CADPS: variants seen among roughly 807,000 people sequenced by gnomAD.
The protein encoded by CADPS is calcium dependent secretion activator.
A neutral mutation model predicts 167.3 loss-of-function variants in CADPS; 57 were observed. The observed-to-expected ratio is 0.34, with a 90% CI of 0.28 to 0.42. CADPS has a LOEUF of 0.42. Ranked by LOEUF, CADPS falls within the 20% of genes least tolerant of loss-of-function variation. The pLI is 1.00. For missense variants in CADPS, 1,414 were observed against 1,738.1 expected, an observed-to-expected ratio of 0.81 and a Z score of 3.32; for synonymous variants, 676 against 635.3, an observed-to-expected ratio of 1.06 and a Z score of -0.96.
chr3:62,484,736 T>C (rs2062550138), intron 21 of CADPS, among the ~76,000 whole-genome samples: 1 of 152,158 alleles, frequency 6.6e-6, no homozygotes. Flanking sequence ...CATTCCTGCT[T>C]CTAGAATTGA....
In CADPS at chr3:62,748,219, A is replaced by G. The variant is rs13091107; in HGVS notation, c.888+5222T>C. The stretch of plus-strand genomic sequence containing the variant: ...AAATTAGCCGGGCATGGTGGCAGGC[A>G]CCTGTAGTCCCAGCTACTCAGGAGG... On this transcript the variant is annotated intron_variant, in intron 3 of 29. Transcript: ENST00000383710. 5.4e-5 allele frequency among the ~76,000 whole-genome samples: 8 copies of G among 147,552 alleles called. No individual in the cohort carries two copies. In the South Asian group the frequency reaches 8.7e-4, roughly 16 times the overall value.
At chr3:62,675,646 C>G (rs911890254) in intron 3 of CADPS, among the ~76,000 whole-genome samples, 1 of 152,078 alleles carries the variant, frequency 6.6e-6, no homozygotes, top group Non-Finnish European at 1.5e-5. Context: ...CTGGGAAGTT[C>G]AAATTAAGAT....
At chr3:62,676,264 AT>A (rs2076315371) in intron 3 of CADPS, among the ~76,000 whole-genome samples, 1 of 152,182 alleles carries the variant, frequency 6.6e-6, no homozygotes, top group East Asian at 1.9e-4. Context: ...AACCCAAATG[AT>A]TTTCAGGTTA....
chr3:62,662,253 A>T, intron 4 of CADPS, 61 bp downstream of exon 4: 1 of 1,339,388 alleles, frequency 7.5e-7, no homozygotes, highest in Non-Finnish European at 1.1e-6. Flanking sequence ...TCAATAATCA[A>T]TGTGCTTCCT....
chr3:62,849,084 T>C (rs919088529), intron 1 of CADPS, among the ~76,000 whole-genome samples: 1 of 151,344 alleles, frequency 6.6e-6, no homozygotes, highest in Non-Finnish European at 1.5e-5. Context: ...GTTTGTCTGT[T>C]GTTGGTGTAT....
At position 62,433,885 on chromosome 3, in the gene CADPS, CA is replaced by C. The variant is rs1332968405; in HGVS notation, c.3777+4218del. The stretch of plus-strand genomic sequence containing the variant: ...ATTTTGGGGAAGATGTTGAATTAAT[CA>C]CTAGAGAAGGAGGGAAAAGCCATCT... On this transcript the variant is annotated intron_variant, in intron 28 of 29. Coordinates refer to ENST00000383710, the MANE Select transcript of CADPS (RefSeq NM_003716.4). This position sits in a 1 kb window ranked among gnomAD's most constrained non-coding sequence, Gnocchi z 4.7. 6.6e-6 allele frequency among the ~76,000 whole-genome samples: 1 copy of C among 152,148 alleles called. No homozygotes were observed. The highest frequency in any genetic ancestry group is 1.5e-5 in the Non-Finnish European group (1 of 68,030).
chr3:62,829,263 A>C (rs924074988), intron 1 of CADPS, among the ~76,000 whole-genome samples: 2 of 152,186 alleles, frequency 1.3e-5, no homozygotes, highest in South Asian at 4.1e-4. Context: ...ACAATCAAAA[A>C]TACAAAATTT....
intron 6 of CADPS, among the ~76,000 whole-genome samples, chr3:62,613,940 C>A (rs912885219): frequency 3.3e-5 from 5 of 152,142 alleles, no homozygotes; most frequent in Non-Finnish European, 5.9e-5. Flanking sequence ...TCTTTCCCTA[C>A]TCCCCTCTGT....
chr3:62,803,332 C>CTT (rs57928697), intron 1 of CADPS, among the ~76,000 whole-genome samples: 10 of 139,648 alleles, frequency 7.2e-5, no homozygotes, highest in South Asian at 2.3e-4. Context: ...GAGATGCTTC[C>CTT]TTTTTTTTTT....
At chr3:62,512,449 A>G (rs2068053523) in intron 17 of CADPS, among the ~76,000 whole-genome samples, 1 of 152,178 alleles carries the variant, frequency 6.6e-6, no homozygotes, top group Admixed American at 6.6e-5. Flanking sequence ...CAACTTTTTA[A>G]AAAATGCACA....
intron 3 of CADPS, among the ~76,000 whole-genome samples, chr3:62,703,040 G>A (rs543358614): frequency 3.9e-5 from 6 of 152,162 alleles, no homozygotes; most frequent in South Asian, 2.1e-4. Flanking sequence ...CCATGTTCTC[G>A]ACTGTTTCAT....
intron 1 of CADPS, among the ~76,000 whole-genome samples, chr3:62,786,904 C>G (rs1399197802): frequency 1.3e-5 from 2 of 152,132 alleles, no homozygotes; most frequent in Non-Finnish European, 2.9e-5. Flanking sequence ...AGAATTGAAA[C>G]ACAGATATCT....
intron 17 of CADPS, among the ~76,000 whole-genome samples, chr3:62,509,004 A>G (rs11916805): frequency 0.65 from 98,995 of 151,752 alleles, 34,566 homozygotes; most frequent in Non-Finnish European, 0.78. Flanking sequence ...GCACCACTGA[A>G]ACAAAAAGGA....
intron 6 of CADPS, among the ~76,000 whole-genome samples, chr3:62,624,738 T>C (rs531361172): frequency 7.9e-5 from 12 of 152,156 alleles, no homozygotes; most frequent in South Asian, 2.1e-4. Context: ...TTTCTCTATT[T>C]GTAAAGTGGG....
chr3:62,616,042 A>C lies in CADPS; in HGVS notation c.1326-23294T>G, dbSNP rs183899025. On this transcript the variant is annotated intron_variant, in intron 6 of 29. Coordinates refer to ENST00000383710, the MANE Select transcript of CADPS (RefSeq NM_003716.4). Reference sequence around the variant, plus strand: ...TATGTGTTTTTTTTCCTTTGCCTACAAATGTTTTTCCCCTTTTCTATCAGT... The same window carrying C: ...TATGTGTTTTTTTTCCTTTGCCTACCAATGTTTTTCCCCTTTTCTATCAGT... Among the ~76,000 whole-genome samples the C allele has an allele frequency of 2.3e-3, 350 of 152,226 alleles. 3 individuals carry two copies. Among genetic ancestry groups the C allele is most frequent in the African/African-American group, 7.9e-3 (326 of 41,528 alleles).
Position 62,753,421 on chromosome 3 carries a change from C to A in CADPS, c.888+20G>T. 1 of 1,583,134 alleles carries A rather than the reference C, an allele frequency of 6.3e-7. No homozygotes were observed. Among genetic ancestry groups the A allele is most frequent in the Non-Finnish European group, 8.6e-7 (1 of 1,157,896 alleles). ...GCTCTGCTTACCCACAGCTCTAGGC[C>A]CAGGCGAGAAACACCTTACCTGGCA... is the stretch of plus-strand genomic sequence containing the variant. On this transcript the variant is annotated intron_variant, in intron 3 of 29. Coordinates refer to ENST00000383710, the MANE Select transcript of CADPS (RefSeq NM_003716.4). The surrounding 1 kb of genome is among the most constrained non-coding windows in gnomAD (Gnocchi z 4.6).
intron 3 of CADPS, among the ~76,000 whole-genome samples, chr3:62,700,690 T>C (rs1271114912): frequency 3.3e-5 from 5 of 152,084 alleles, no homozygotes. Context: ...TCTCCCTTAA[T>C]TGTCACAGCG....
chr3:62,662,540 T>A (rs1008018085), intron 3 of CADPS, 146 bp from the exon 4 acceptor site: 6 of 663,610 alleles, frequency 9.0e-6, no homozygotes, highest in African/African-American at 1.8e-5. Context: ...AAATCCAGTC[T>A]GAGTGAAATT....
intron 1 of CADPS, among the ~76,000 whole-genome samples, chr3:62,806,087 G>C (rs73102737): frequency 0.092 from 13,950 of 152,034 alleles, 792 homozygotes; most frequent in Non-Finnish European, 0.12. Context: ...CAGTCTGGGC[G>C]AGGCAGCTGT....
Sources: allele counts gnomAD v4.1 joint callset (sites outside exome capture counted in the v4.1 genomes callset), GRCh38; gene constraint gnomAD v4.1.1; non-coding constraint Gnocchi (gnomAD v3.1); transcripts MANE v1.5; gene names NCBI Gene and HGNC (gene_info 2026-07-23, HGNC 2026-07-21).